The following LAMA2 variants were observed in gnomAD, a reference collection of about 807,000 sequenced individuals.
LAMA2 encodes laminin subunit alpha-2.
LAMA2 carries 269 observed loss-of-function variants against 364.8 expected under a neutral mutation model. The observed-to-expected ratio is 0.74, with a 90% confidence interval of 0.67 to 0.82. The LOEUF (loss-of-function observed/expected upper bound fraction) is 0.82, where lower values mean the gene tolerates loss of function less well. LAMA2 is among the 40% of genes least tolerant of loss of function. The pLI is 0.00. For missense variants in LAMA2, 3,807 were observed against 3,873.2 expected (o/e 0.98, Z 0.45); for synonymous variants, 1,379 against 1,370.6 (o/e 1.01, Z -0.14).
chr6:129,023,873 A>G (rs146415508), intron 1 of LAMA2, among the ~76,000 whole-genome samples: 432 of 152,244 alleles, frequency 2.8e-3, no homozygotes, highest in African/African-American at 9.8e-3. Context: ...TTGTTAGCTC[A>G]TTAGGTACCA....
chr6:129,314,084 A>C (rs1774400522), intron 23 of LAMA2, among the ~76,000 whole-genome samples: 1 of 152,236 alleles, frequency 6.6e-6, no homozygotes, highest in African/African-American at 2.4e-5. Context: ...AGAACTGTAG[A>C]AAATGTACCA....
chr6:129,456,615 T>G, intron 48 of LAMA2, 121 bp downstream of exon 48: 1 of 935,588 alleles, frequency 1.1e-6, no homozygotes, highest in Admixed American at 1.7e-5. Flanking sequence ...TAACTTGCAT[T>G]TATGAAAACA....
chr6:129,493,306 G>A (rs1784977016), intron 58 of LAMA2, among the ~76,000 whole-genome samples: 1 of 152,136 alleles, frequency 6.6e-6, no homozygotes, highest in South Asian at 2.1e-4. Flanking sequence ...ATTAGAGCAT[G>A]GGCTCAAGTC....
At chr6:128,922,407 G>T (rs1778798760) in intron 1 of LAMA2, among the ~76,000 whole-genome samples, 1 of 151,430 alleles carries the variant, frequency 6.6e-6, no homozygotes, top group Non-Finnish European at 1.5e-5. Context: ...ATTCTAACTG[G>T]TGTGAGATGG....
At chr6:129,452,967 T>C in intron 45 of LAMA2, 21 bp from the exon 46 acceptor site, 1 of 1,608,634 alleles carries the variant, frequency 6.2e-7, no homozygotes, top group Non-Finnish European at 8.5e-7. Context: ...CTTGGTTCTT[T>C]GTATCTTGTT....
intron 1 of LAMA2, among the ~76,000 whole-genome samples, chr6:128,961,136 AC>A (rs1394071857): frequency 6.6e-6 from 1 of 151,140 alleles, no homozygotes; most frequent in Non-Finnish European, 1.5e-5. Flanking sequence ...TTTGTTGAGA[AC>A]GGAGTATGAG....
chr6:129,036,079 T>C (rs1786622704), intron 1 of LAMA2, among the ~76,000 whole-genome samples: 1 of 152,170 alleles, frequency 6.6e-6, no homozygotes, highest in African/African-American at 2.4e-5. Flanking sequence ...TTGGGTAGCA[T>C]AGTCATTTTA....
intron 1 of LAMA2, among the ~76,000 whole-genome samples, chr6:128,968,590 C>A (rs1455049816): frequency 6.6e-6 from 1 of 152,092 alleles, no homozygotes; most frequent in Non-Finnish European, 1.5e-5. Context: ...TTGGTTAGAG[C>A]CCAGCAAGGG....
intron 19 of LAMA2, 133 bp downstream of exon 19, chr6:129,288,191 C>T (rs1466637612): frequency 5.2e-6 from 4 of 766,742 alleles, no homozygotes; most frequent in African/African-American, 1.7e-5. Context: ...ATAGAATATA[C>T]AGAGTCTGCA....
intron 18 of LAMA2, among the ~76,000 whole-genome samples, chr6:129,287,500 A>G (rs371365485): frequency 1.3e-5 from 2 of 152,208 alleles, no homozygotes; most frequent in South Asian, 2.1e-4. Context: ...CAATTGGAGT[A>G]GAGACATATG....
chr6:129,338,081 T>G (rs1476005359), intron 29 of LAMA2, among the ~76,000 whole-genome samples: 1 of 152,198 alleles, frequency 6.6e-6, no homozygotes, highest in Non-Finnish European at 1.5e-5. Context: ...TATTACAATA[T>G]TTGCTTTCTC....
At chr6:129,394,626 A>T (rs1408191610) in intron 37 of LAMA2, among the ~76,000 whole-genome samples, 1 of 152,220 alleles carries the variant, frequency 6.6e-6, no homozygotes, top group Non-Finnish European at 1.5e-5. Context: ...CTCCAGCATG[A>T]TTCACCCTGC....
At chr6:129,399,997 G>T (rs1293582075) in intron 37 of LAMA2, among the ~76,000 whole-genome samples, 1 of 152,158 alleles carries the variant, frequency 6.6e-6, no homozygotes, top group African/African-American at 2.4e-5. Context: ...GCTATAGCAA[G>T]AGACCAAAAA....
chr6:129,133,462 G>A (rs1301900112), intron 4 of LAMA2, among the ~76,000 whole-genome samples: 1 of 152,110 alleles, frequency 6.6e-6, no homozygotes, highest in Admixed American at 6.6e-5. Flanking sequence ...GAGAGGGAAA[G>A]GTGGCAAAAG....
intron 1 of LAMA2, among the ~76,000 whole-genome samples, chr6:128,943,242 C>CAG (rs1030657947): frequency 6.7e-6 from 1 of 149,152 alleles, no homozygotes; most frequent in Non-Finnish European, 1.5e-5. Flanking sequence ...TATAAATACA[C>CAG]AGAGAGAGTG....
chr6:129,076,431 T>C (rs2114828753), intron 3 of LAMA2, among the ~76,000 whole-genome samples: 1 of 144,484 alleles, frequency 6.9e-6, no homozygotes, highest in Non-Finnish European at 1.5e-5. Context: ...TGTATATATA[T>C]ATAAATATAT....
chr6:128,970,938 A>G (rs1014758211), intron 1 of LAMA2, among the ~76,000 whole-genome samples: 2 of 152,176 alleles, frequency 1.3e-5, no homozygotes, highest in Non-Finnish European at 2.9e-5. Flanking sequence ...TGGGGTAGTG[A>G]TGGTTTTACT....
intron 1 of LAMA2, among the ~76,000 whole-genome samples, chr6:128,891,893 T>C (rs900766949): frequency 2.0e-5 from 3 of 152,048 alleles, no homozygotes; most frequent in Non-Finnish European, 1.5e-5. Flanking sequence ...TGGAGGTAAC[T>C]GAATCGTAGA....
intron 1 of LAMA2, among the ~76,000 whole-genome samples, chr6:128,944,125 G>T (rs921256479): frequency 2.6e-5 from 4 of 152,132 alleles, no homozygotes; most frequent in East Asian, 3.9e-4. Flanking sequence ...AGGGGAAAAA[G>T]CAAATGGGAC....
Sources: allele counts gnomAD v4.1 joint callset (sites outside exome capture counted in the v4.1 genomes callset), GRCh38; gene constraint gnomAD v4.1.1; transcripts MANE v1.5; gene names NCBI Gene and HGNC (gene_info 2026-07-23, HGNC 2026-07-21).